The following TTC7B variants were observed in gnomAD, a reference collection of about 807,000 sequenced individuals.
TTC7B encodes the protein tetratricopeptide repeat protein 7B.
TTC7B carries 28 observed loss-of-function variants against 106.8 expected under a neutral mutation model. The observed-to-expected ratio is 0.26, with a 90% CI of 0.19 to 0.36. TTC7B has a LOEUF of 0.36. Among genes scored for constraint, TTC7B ranks in the 10% least tolerant of loss-of-function variants. The pLI, the probability that TTC7B is intolerant of heterozygous loss-of-function variation, is 1.00. For missense variants in TTC7B, 862 were observed against 1,076.4 expected, an observed-to-expected ratio of 0.80 and a Z score of 2.79; for synonymous variants, 405 against 430.6, an observed-to-expected ratio of 0.94 and a Z score of 0.74.
At chr14:90,799,309 C>T (rs1259456363) in intron 1 of TTC7B, among the ~76,000 whole-genome samples, 1 of 152,202 alleles carries the variant, frequency 6.6e-6, no homozygotes, top group East Asian at 1.9e-4. Flanking sequence ...GTCCTGGTGG[C>T]ACTTTGCACA....
At chr14:90,764,564 G>A (rs916599081) in intron 3 of TTC7B, among the ~76,000 whole-genome samples, 8 of 152,054 alleles carry the variant, frequency 5.3e-5, no homozygotes, top group African/African-American at 1.9e-4. Context: ...CCATATATCT[G>A]TAAAAGAAAT....
At chr14:90,769,222 A>C (rs1890784959) in intron 3 of TTC7B, among the ~76,000 whole-genome samples, 1 of 152,248 alleles carries the variant, frequency 6.6e-6, no homozygotes, top group South Asian at 2.1e-4. Context: ...GCTACAAAAA[A>C]AATCAACTAA....
intron 3 of TTC7B, among the ~76,000 whole-genome samples, chr14:90,761,458 T>C (rs1890498057): frequency 6.6e-6 from 1 of 152,190 alleles, no homozygotes; most frequent in African/African-American, 2.4e-5. Context: ...ACCCCTATGA[T>C]TGCATCCCCA....
intron 1 of TTC7B, among the ~76,000 whole-genome samples, chr14:90,791,803 G>A (rs1481911518): frequency 1.3e-5 from 2 of 152,084 alleles, no homozygotes; most frequent in Non-Finnish European, 2.9e-5. Flanking sequence ...CACAAGGCTT[G>A]CTAGATCCCC....
chr14:90,778,683 ACTCCCCGTAG>A (rs1461082322), intron 3 of TTC7B, among the ~76,000 whole-genome samples: 11 of 152,194 alleles, frequency 7.2e-5, no homozygotes, highest in African/African-American at 2.4e-4. Context: ...AGACCCCAGC[ACTCCCCGTAG>A]CTCAGACAGA....
chr14:90,698,441 A>G (rs1006818681), intron 5 of TTC7B: 13 of 152,228 alleles, frequency 8.5e-5, no homozygotes, highest in African/African-American at 2.9e-4. Flanking sequence ...AAATGAAGAT[A>G]AGAGAGCCAA....
At chr14:90,814,645 T>A (rs1265777043) in intron 1 of TTC7B, among the ~76,000 whole-genome samples, 2 of 152,162 alleles carry the variant, frequency 1.3e-5, no homozygotes, top group African/African-American at 4.8e-5. Flanking sequence ...GGTGTCATTA[T>A]GCCTACACCG....
At chr14:90,677,216 G>A (rs987423191) in intron 8 of TTC7B, among the ~76,000 whole-genome samples, 4 of 152,200 alleles carry the variant, frequency 2.6e-5, no homozygotes, top group Admixed American at 1.3e-4. Context: ...CACTGGAACA[G>A]AACACAAAGA....
intron 3 of TTC7B, chr14:90,766,866 G>A: frequency 6.3e-7 from 1 of 1,597,162 alleles, no homozygotes; most frequent in East Asian, 2.2e-5. Flanking sequence ...AAGACCTGGA[G>A]CGACTGAAGA....
At chr14:90,799,049 A>C (rs563935395) in intron 1 of TTC7B, among the ~76,000 whole-genome samples, 2 of 152,014 alleles carry the variant, frequency 1.3e-5, no homozygotes, top group African/African-American at 4.8e-5. Flanking sequence ...CTCAGAGCCA[A>C]GGAAGGAGTT....
At position 90,816,411 on chromosome 14, in the gene TTC7B, G is replaced by C; in HGVS notation, c.-116C>G. The C allele has an allele frequency of 1.9e-6, 1 of 524,474 alleles. No homozygotes were observed. Among genetic ancestry groups the C allele is most frequent in the Non-Finnish European group, 2.4e-6 (1 of 412,416 alleles). The allele number at this position is 524,474 out of a possible 1,614,324, so 32.5% of individuals were successfully genotyped here. A position where few individuals can be genotyped will look rare whatever the true frequency, so the allele number is the denominator to read the frequency against. On this transcript the variant is annotated 5_prime_UTR_variant, in exon 1 of 20. Coordinates refer to ENST00000328459, the MANE Select transcript of TTC7B (RefSeq NM_001010854.2). ...TCGGGCTCCGGCTCCCGGCTCCGCG[G>C]CGTAACGGGAGCGCCGGCTGGGGAA...
chr14:90,549,579 C>G (rs1889987336), intron 19 of TTC7B, among the ~76,000 whole-genome samples: 1 of 152,154 alleles, frequency 6.6e-6, no homozygotes, highest in Non-Finnish European at 1.5e-5. Flanking sequence ...GCCCTGGCTG[C>G]TGCTGGTGGC....
chr14:90,670,543 T>C (rs1162471162), intron 9 of TTC7B, among the ~76,000 whole-genome samples: 1 of 152,174 alleles, frequency 6.6e-6, no homozygotes. Context: ...AACAAAACCA[T>C]GAGGTATATA....
chr14:90,579,419 T>C (rs140722576), intron 18 of TTC7B, among the ~76,000 whole-genome samples: 199 of 152,324 alleles, frequency 1.3e-3, no homozygotes, highest in African/African-American at 4.6e-3. Flanking sequence ...CCCAGTTATG[T>C]GTATGTTTGT....
In TTC7B at chr14:90,624,121, T is replaced by C. The variant is rs72691736; in HGVS notation, c.1752-6076A>G. Among the ~76,000 whole-genome samples the C allele has an allele frequency of 0.19, 29,060 of 152,092 alleles. 3,710 individuals are homozygous for C. Among genetic ancestry groups the C allele is most frequent in the African/African-American group, 0.37 (15,416 of 41,460 alleles). On this transcript the variant is annotated intron_variant, in intron 15 of 19. Transcript: ENST00000328459. This position sits in a 1 kb window ranked among gnomAD's most constrained non-coding sequence, Gnocchi z 4.0. ...GTGCATGTGTGTGTGCGCGTGCGCG[T>C]GTGTGTGTTTTGTGACTTGTCTTTC...
chr14:90,651,557 T>A (rs1269261931), intron 13 of TTC7B, among the ~76,000 whole-genome samples: 1 of 152,248 alleles, frequency 6.6e-6, no homozygotes, highest in Non-Finnish European at 1.5e-5. Flanking sequence ...TTCTTAAGCA[T>A]CCATGTGTGG....
rs904834343 is a variant in TTC7B, at chr14:90,526,588, A to G, written c.*14780T>C. 51 of 152,204 alleles carry G rather than the reference A, an allele frequency of 3.4e-4. No individual in the cohort carries two copies. The highest frequency in any genetic ancestry group is 1.2e-3 in the African/African-American group (48 of 41,446). The allele number at this position is 152,204 out of a possible 1,614,324, so 9.4% of individuals were successfully genotyped here. ...TGTCCCCACCCAAATCTCGTCTTGA[A>G]TTGTAGTTCCCATAATCCCCACATG... On this transcript the variant is annotated 3_prime_UTR_variant, in exon 20 of 20. Transcript: ENST00000328459.
intron 1 of TTC7B, among the ~76,000 whole-genome samples, chr14:90,790,076 G>T (rs569168338): frequency 6.6e-6 from 1 of 152,120 alleles, no homozygotes; most frequent in South Asian, 2.1e-4. Context: ...GTAGCTAGGG[G>T]ATATCATATT....
chr14:90,641,684 G>A (rs1339898655), intron 15 of TTC7B, among the ~76,000 whole-genome samples: 3 of 152,106 alleles, frequency 2.0e-5, no homozygotes, highest in South Asian at 2.1e-4. Flanking sequence ...TTGAGCTTAC[G>A]GCTTAACATT....
Sources: allele counts gnomAD v4.1 joint callset (sites outside exome capture counted in the v4.1 genomes callset), GRCh38; gene constraint gnomAD v4.1.1; non-coding constraint Gnocchi (gnomAD v3.1); transcripts MANE v1.5; gene names NCBI Gene and HGNC (gene_info 2026-07-23, HGNC 2026-07-21).